The following DOCK8 variants were observed in gnomAD, a reference collection of about 807,000 sequenced individuals.
DOCK8 encodes dedicator of cytokinesis 8, also known as dedicator of cytokinesis protein 8.
Under a neutral mutation model 245.6 loss-of-function variants are expected in DOCK8, and 141 were observed. The observed-to-expected ratio is 0.57, with a 90% CI of 0.50 to 0.66. DOCK8 has a LOEUF of 0.66. Among genes scored for constraint, DOCK8 ranks in the 30% least tolerant of loss-of-function variants. DOCK8 has a pLI of 0.00. For missense variants in DOCK8, 2,965 were observed against 2,603.4 expected, an observed-to-expected ratio of 1.14 and a Z score of -3.02; for synonymous variants, 1,168 against 970.2, an observed-to-expected ratio of 1.20 and a Z score of -3.79.
chr9:452,057 A>T lies in DOCK8; in HGVS notation c.6008A>T (p.Asp2003Val). The T allele has an allele frequency of 6.2e-7, 1 of 1,603,788 alleles. No homozygotes were observed. The highest frequency in any genetic ancestry group is 8.5e-7 in the Non-Finnish European group (1 of 1,177,002). ...GTGTTTTTGGCTGAAATTCCTGCTG[A>T]TCCAAAACTCTATCGACATCACAAC... ...AQVFLAEIPA[D>V]PKLYRHHNKL... is the part of the protein sequence containing the mutation. Residue 2003 changes from aspartate (D) to valine (V), a missense_variant, in exon 46 of 48, where the codon GAT (aspartate) becomes GTT (valine). Asp to Val is a radical substitution (Grantham distance 152). Coordinates refer to ENST00000432829, the MANE Select transcript of DOCK8 (RefSeq NM_203447.4).
At chr9:340,595 TG>T (rs1252915598) in intron 14 of DOCK8, 9 of 344,622 alleles carry the variant, frequency 2.6e-5, no homozygotes, top group African/African-American at 1.7e-4. Flanking sequence ...CACTCCAGCC[TG>T]GGAGACAGAA....
intron 2 of DOCK8, among the ~76,000 whole-genome samples, chr9:281,533 C>A (rs2048584089): frequency 1.3e-5 from 2 of 152,178 alleles, no homozygotes; most frequent in African/African-American, 4.8e-5. Flanking sequence ...CTACCCGACC[C>A]TGTTTCTAAA....
chr9:280,670 T>C (rs1228081296), intron 2 of DOCK8: 1 of 152,236 alleles, frequency 6.6e-6, no homozygotes, highest in African/African-American at 2.4e-5. Context: ...GTCACCTGTT[T>C]AGGGACTTTA....
chr9:302,419 C>A (rs1372937892), intron 4 of DOCK8, among the ~76,000 whole-genome samples: 2 of 152,178 alleles, frequency 1.3e-5, no homozygotes, highest in Non-Finnish European at 2.9e-5. Context: ...CTGGGAAATA[C>A]TATTCTGGCC....
chr9:453,068 A>G (rs1053638156), intron 46 of DOCK8: 2 of 152,228 alleles, frequency 1.3e-5, no homozygotes, highest in Non-Finnish European at 2.9e-5. Flanking sequence ...AAGGAGACTA[A>G]AAGTTTGCTA....
At chr9:351,557 C>T (rs1181908722) in intron 14 of DOCK8, among the ~76,000 whole-genome samples, 1 of 152,204 alleles carries the variant, frequency 6.6e-6, no homozygotes, top group Non-Finnish European at 1.5e-5. Flanking sequence ...CCCCTGGTCC[C>T]GGAATTAAGG....
intron 23 of DOCK8, among the ~76,000 whole-genome samples, chr9:390,190 C>T (rs2054126767): frequency 6.6e-6 from 1 of 152,022 alleles, no homozygotes; most frequent in African/African-American, 2.4e-5. Flanking sequence ...GAATGTTTCC[C>T]CCGTAGAATA....
chr9:315,418 A>T (rs921946452), intron 6 of DOCK8, among the ~76,000 whole-genome samples: 2 of 152,234 alleles, frequency 1.3e-5, no homozygotes, highest in African/African-American at 4.8e-5. Context: ...CCCAAATGTC[A>T]TATGTGGACC....
chr9:401,207 G>T (rs4740739), intron 26 of DOCK8, among the ~76,000 whole-genome samples: 2 of 150,928 alleles, frequency 1.3e-5, no homozygotes, highest in Admixed American at 6.6e-5. Context: ...AAATAAGAAG[G>T]GGGGGTTGAG....
At chr9:360,067 A>G (rs1262846858) in intron 14 of DOCK8, among the ~76,000 whole-genome samples, 1 of 152,040 alleles carries the variant, frequency 6.6e-6, no homozygotes, top group South Asian at 2.1e-4. Flanking sequence ...TGTAATCCCA[A>G]CATTTTGGGA....
intron 17 of DOCK8, 24 bp downstream of exon 17, chr9:371,590 C>G (rs1200161324): frequency 6.2e-7 from 1 of 1,613,894 alleles, no homozygotes; most frequent in Non-Finnish European, 8.5e-7. Flanking sequence ...AGCCTGCTGA[C>G]TCACACTGCA....
At chr9:308,859 A>G (rs1293447983) in intron 5 of DOCK8, among the ~76,000 whole-genome samples, 4 of 152,116 alleles carry the variant, frequency 2.6e-5, no homozygotes, top group Non-Finnish European at 4.4e-5. Context: ...GGGTTTCACC[A>G]TGTTAGCCAG....
intron 3 of DOCK8, among the ~76,000 whole-genome samples, chr9:286,869 G>A (rs2048845047): frequency 6.6e-6 from 1 of 152,178 alleles, no homozygotes; most frequent in South Asian, 2.1e-4. Flanking sequence ...AAGGGATGCA[G>A]GAGGACCAAA....
intron 46 of DOCK8, chr9:460,622 A>T (rs1403236717): frequency 6.6e-6 from 1 of 152,282 alleles, no homozygotes; most frequent in Non-Finnish European, 1.5e-5. Context: ...TCAATTAATG[A>T]CAAACATAAA....
chr9:446,665 G>A, intron 44 of DOCK8, 59 bp downstream of exon 44: 2 of 1,500,806 alleles, frequency 1.3e-6, no homozygotes, highest in Non-Finnish European at 1.8e-6. Flanking sequence ...CCTCCCAGGA[G>A]GACCCACAAA....
chr9:339,051 G>A lies in DOCK8; in HGVS notation c.1468G>A (p.Asp490Asn), dbSNP rs1271223266. ...SDEDLFKFLADYKRSSSLQRR... is the reference protein window; with the variant it reads ...SDEDLFKFLANYKRSSSLQRR... ...TGAAGACTTATTCAAGTTTTTAGCT[G>A]ACTACAAAAGATCATCATCCTTACA... The change falls in exon 13 of 48, where the codon GAC becomes AAC. Residue 490 changes from aspartate to asparagine, a missense_variant. Asp to Asn is a conservative substitution (Grantham distance 23). Coordinates refer to ENST00000432829, the MANE Select transcript of DOCK8 (RefSeq NM_203447.4). 6 of 1,614,016 alleles carry A rather than the reference G, an allele frequency of 3.7e-6. No individual in the cohort carries two copies. Among genetic ancestry groups the A allele is most frequent in the Non-Finnish European group, 5.1e-6 (6 of 1,180,028 alleles).
intron 1 of DOCK8, among the ~76,000 whole-genome samples, chr9:255,424 T>C (rs566595381): frequency 6.6e-6 from 1 of 152,190 alleles, no homozygotes; most frequent in Admixed American, 6.5e-5. Context: ...TCCCAGCACT[T>C]TGGGAGGCCA....
chr9:416,198 C>T (rs115647785), intron 29 of DOCK8, among the ~76,000 whole-genome samples: 1,708 of 152,250 alleles, frequency 0.011, 34 homozygotes, highest in African/African-American at 0.038. Flanking sequence ...CAAGCTGCAC[C>T]ATGAGGTCAG....
chr9:372,204 AT>A lies in DOCK8; in HGVS notation c.2028del (p.Asn676LysfsTer78). The part of the protein sequence containing the change: ...LGYSWLPILL[N>X]ERLQTGSYCL... ...TTTCAGTGGCTGCCAATTCTCTTAA[AT>A]GAACGTCTTCAAACTGGATCCTACT... On this transcript the variant is annotated frameshift_variant, in exon 18 of 48. Transcript: ENST00000432829. LOFTEE classifies it high-confidence loss of function. The A allele has an allele frequency of 6.2e-7, 1 of 1,614,120 alleles. No individual in the cohort carries two copies. The highest frequency in any genetic ancestry group is 8.5e-7 in the Non-Finnish European group (1 of 1,180,014).
Sources: allele counts gnomAD v4.1 joint callset (sites outside exome capture counted in the v4.1 genomes callset), GRCh38; gene constraint gnomAD v4.1.1; transcripts MANE v1.5; gene names NCBI Gene and HGNC (gene_info 2026-07-23, HGNC 2026-07-21).